Variants in NTM observed in about 807,000 individuals in gnomAD.
NTM encodes IgLON family member 2.
In NTM, 13 loss-of-function variants were observed where a neutral mutation model predicts 42.1. That is an observed-to-expected ratio of 0.31 (90% CI 0.20 to 0.49). NTM has a LOEUF of 0.49. NTM is among the 20% of genes least tolerant of loss of function. The pLI is 0.99. For synonymous variants in NTM, 187 were observed against 179.2 expected (o/e 1.04, Z -0.35); for missense variants, 373 against 452.8 (o/e 0.82, Z 1.60).
intron 4 of NTM, among the ~76,000 whole-genome samples, chr11:132,231,452 AGGT>A (rs1231626339): frequency 6.6e-6 from 1 of 152,214 alleles, no homozygotes. Context: ...TTTCTTTTAC[AGGT>A]AAAAGGGTAA....
At chr11:131,795,787 TG>T in intron 1 of NTM, 1 of 985,236 alleles carries the variant, frequency 1.0e-6, no homozygotes, top group Non-Finnish European at 1.2e-6. Context: ...TGACTGGGGT[TG>T]GGGGGTGGTG....
At chr11:131,937,490 G>A (rs1487611135) in intron 2 of NTM, among the ~76,000 whole-genome samples, 2 of 152,172 alleles carry the variant, frequency 1.3e-5, no homozygotes, top group African/African-American at 4.8e-5. Context: ...GAGATGCAGC[G>A]ATGCCTTCTC....
intron 1 of NTM, among the ~76,000 whole-genome samples, chr11:131,451,070 C>T (rs1430476622): frequency 6.6e-6 from 1 of 151,888 alleles, no homozygotes. Context: ...TCAAATTTGT[C>T]CTGGGTGCTT....
At chr11:132,192,196 T>C (rs2079423038) in intron 3 of NTM, among the ~76,000 whole-genome samples, 1 of 152,136 alleles carries the variant, frequency 6.6e-6, no homozygotes, top group Non-Finnish European at 1.5e-5. Flanking sequence ...GATGACCATC[T>C]GCAAGACACA....
chr11:131,770,111 C>G (rs2085810864), intron 1 of NTM, among the ~76,000 whole-genome samples: 1 of 152,166 alleles, frequency 6.6e-6, no homozygotes, highest in Non-Finnish European at 1.5e-5. Context: ...TCAACAGGTT[C>G]CTCCCAAACC....
At chr11:131,717,175 C>T (rs1264683184) in intron 1 of NTM, among the ~76,000 whole-genome samples, 1 of 152,082 alleles carries the variant, frequency 6.6e-6, no homozygotes, top group Non-Finnish European at 1.5e-5. Context: ...TAGTGGTAGG[C>T]CTCCAACATT....
chr11:132,069,996 A>G (rs867743198), intron 2 of NTM, among the ~76,000 whole-genome samples: 1 of 111,654 alleles, frequency 9.0e-6, no homozygotes, highest in Non-Finnish European at 1.9e-5. Context: ...CAGGTTAGTT[A>G]ACACGTCACA....
chr11:131,717,722 T>C lies in NTM; in HGVS notation c.83-193842T>C, dbSNP rs896026131. 2.0e-5 allele frequency among the ~76,000 whole-genome samples: 3 copies of C among 152,330 alleles called. No homozygotes were observed. The East Asian group carries it at 5.8e-4, about 29-fold the overall frequency. On this transcript the variant is annotated intron_variant, in intron 1 of 8. Transcript: ENST00000683400. ...CCTTTTATTTCTTCTTCTTGCGTTA[T>C]TGTATTAGCTAGATTCTCCAGTACA...
intron 3 of NTM, among the ~76,000 whole-genome samples, chr11:132,204,307 A>G (rs1260361233): frequency 6.6e-6 from 1 of 152,268 alleles, no homozygotes; most frequent in Non-Finnish European, 1.5e-5. Context: ...AGTCATTTCA[A>G]TTTGTTTGCA....
chr11:132,176,024 C>A (rs572981863), intron 3 of NTM, among the ~76,000 whole-genome samples: 3 of 152,176 alleles, frequency 2.0e-5, no homozygotes, highest in Non-Finnish European at 4.4e-5. Flanking sequence ...GAATGACCAC[C>A]ATCTAGTGTG....
intron 2 of NTM, among the ~76,000 whole-genome samples, chr11:131,937,379 G>A (rs559072908): frequency 3.9e-5 from 6 of 152,292 alleles, no homozygotes; most frequent in Non-Finnish European, 8.8e-5. Context: ...GAGGTAAAAC[G>A]TGAGCTCACA....
At chr11:132,300,668 G>A (rs1338356153) in intron 4 of NTM, among the ~76,000 whole-genome samples, 1 of 152,202 alleles carries the variant, frequency 6.6e-6, no homozygotes, top group Admixed American at 6.5e-5. Flanking sequence ...TGGGTTATGT[G>A]GGTAGCTCCC....
chr11:132,187,515 C>T (rs1237580006), intron 3 of NTM, among the ~76,000 whole-genome samples: 1 of 152,148 alleles, frequency 6.6e-6, no homozygotes, highest in Non-Finnish European at 1.5e-5. Context: ...TCCTAGCCAA[C>T]TGAAGGATTC....
intron 4 of NTM, among the ~76,000 whole-genome samples, chr11:132,255,363 G>A (rs927851291): frequency 2.0e-5 from 3 of 151,982 alleles, no homozygotes; most frequent in African/African-American, 4.8e-5. Flanking sequence ...TGCTAAAAAC[G>A]GCTCTGATTA....
chr11:131,878,593 AAATATATATATATATATATAT>A lies in NTM; in HGVS notation c.83-32969_83-32949del, dbSNP rs1278032801. Among the ~76,000 whole-genome samples the A allele has an allele frequency of 4.0e-4, 10 of 25,118 alleles. 1 individual carries two copies. The highest frequency in any genetic ancestry group is 4.6e-3 in the East Asian group (1 of 218). 16.5% of individuals were successfully genotyped at this position (25,118 alleles called of 152,430 possible). Reference sequence around the variant, plus strand: ...TCAAAAAAAAAAAAAAAAAAAAAAAAAATATATATATATATATATATATATATATATATATATATATATATA... The same window carrying A: ...TCAAAAAAAAAAAAAAAAAAAAAAAAATATATATATATATATATATATATA... On this transcript the variant is annotated intron_variant, in intron 1 of 8. Coordinates refer to ENST00000683400, the MANE Select transcript of NTM (RefSeq NM_001352005.2).
At chr11:132,246,431 C>A (rs1340249391) in intron 4 of NTM, among the ~76,000 whole-genome samples, 1 of 152,214 alleles carries the variant, frequency 6.6e-6, no homozygotes, top group Non-Finnish European at 1.5e-5. Context: ...ACCGCACGGC[C>A]ACAGATTAAG....
chr11:131,448,654 C>T (rs1950249826), intron 1 of NTM, among the ~76,000 whole-genome samples: 1 of 152,212 alleles, frequency 6.6e-6, no homozygotes, highest in African/African-American at 2.4e-5. Context: ...CTACCTCAGG[C>T]CAGAGACACC....
At chr11:132,307,116 A>C (rs886294821) in intron 4 of NTM, among the ~76,000 whole-genome samples, 1 of 152,130 alleles carries the variant, frequency 6.6e-6, no homozygotes, top group Non-Finnish European at 1.5e-5. Flanking sequence ...AGCAGATCGA[A>C]GTTTAGCACG....
At chr11:131,876,994 G>T (rs895625301) in intron 1 of NTM, among the ~76,000 whole-genome samples, 1 of 152,056 alleles carries the variant, frequency 6.6e-6, no homozygotes, top group Non-Finnish European at 1.5e-5. Flanking sequence ...AAGTAACTGG[G>T]ATTACAGGCA....
Sources: gnomAD v4.1 joint callset for allele counts (sites outside exome capture counted in the v4.1 genomes callset) on GRCh38, gnomAD v4.1.1 for gene constraint, MANE v1.5 for transcripts, NCBI Gene and HGNC (gene_info 2026-07-23, HGNC 2026-07-21) for gene names.